XIRP2: variants seen among roughly 807,000 people sequenced by gnomAD.
XIRP2 encodes xin actin-binding repeat-containing protein 2.
A neutral mutation model predicts 277.0 loss-of-function variants in XIRP2; 236 were observed. That is an observed-to-expected ratio of 0.85 (90% CI 0.77 to 0.95). XIRP2 has a LOEUF of 0.95. Ranked by LOEUF, XIRP2 falls within the 40% of genes least tolerant of loss-of-function variation. The pLI is 0.00. For missense variants in XIRP2, 4,640 were observed against 4,157.5 expected (o/e 1.12, Z -3.19); for synonymous variants, 1,490 against 1,416.5 (o/e 1.05, Z -1.17).
In XIRP2 at chr2:167,248,040, G is replaced by A. The variant is rs1208328283; in HGVS notation, c.6648G>A (p.Glu2216=). 6.2e-7 allele frequency: 1 copy of A among 1,613,454 alleles called. No individual in the cohort carries two copies. Among genetic ancestry groups the A allele is most frequent in the African/African-American group, 1.3e-5 (1 of 74,864 alleles). ...LQPMWQLLPV[E]QDTSNVTEMK... ...CAATGTGGCAGCTTTTGCCTGTAGA[G>A]CAAGACACATCCAATGTAACAGAAA... is the stretch of plus-strand genomic sequence containing the variant. Residue 2216 remains glutamate (E), a synonymous_variant, in exon 9 of 11, where the codon GAG becomes GAA. Coordinates refer to ENST00000409195, the MANE Select transcript of XIRP2 (RefSeq NM_152381.6).
chr2:167,241,813 T>C lies in XIRP2; in HGVS notation c.1079T>C (p.Val360Ala), dbSNP rs370305284. 2.5e-6 allele frequency: 4 copies of C among 1,613,406 alleles called. No individual in the cohort carries two copies. The highest frequency in any genetic ancestry group is 1.7e-5 in the Admixed American group (1 of 59,932). Residue 360 changes from valine to alanine, a missense_variant, in exon 8 of 11, where the codon GTT becomes GCT. Physicochemically the swap from Val to Ala is moderately conservative, Grantham distance 64. Coordinates refer to ENST00000409195, the MANE Select transcript of XIRP2 (RefSeq NM_152381.6). ...CCTGAGGATGAAGAGATTCCAAAGG[T>C]TTCGACTAAGTTGTTAAAAGAGCAG... ...DTPEDEEIPK[V>A]STKLLKEQFE...
intron 2 of XIRP2, among the ~76,000 whole-genome samples, chr2:167,011,390 A>G (rs933746919): frequency 3.3e-5 from 5 of 150,562 alleles, no homozygotes; most frequent in African/African-American, 9.8e-5. Context: ...ATTTGTGTAT[A>G]TTGAACCAGC....
rs184422569 is a variant in XIRP2 at position 167,227,097 on chromosome 2, A to G, written c.858+8797A>G. Among the ~76,000 whole-genome samples the G allele has an allele frequency of 7.2e-5, 11 of 152,258 alleles. No homozygotes were observed. The East Asian group carries it at 1.7e-3, about 24-fold the overall frequency. ...AACATAAGGCAGGATTTGCTATCCC[A>G]GGGTTGACCTCTCCCTTCTTGATTT... On this transcript the variant is annotated intron_variant, in intron 5 of 10. Coordinates refer to ENST00000409195, the MANE Select transcript of XIRP2 (RefSeq NM_152381.6).
chr2:167,186,690 T>C (rs1334905804), intron 3 of XIRP2, among the ~76,000 whole-genome samples: 1 of 152,158 alleles, frequency 6.6e-6, no homozygotes, highest in Non-Finnish European at 1.5e-5. Flanking sequence ...GTGACTCCTT[T>C]TCCCTGCTTG....
At chr2:167,083,324 C>T (rs1164999642) in intron 2 of XIRP2, among the ~76,000 whole-genome samples, 3 of 152,160 alleles carry the variant, frequency 2.0e-5, no homozygotes, top group Admixed American at 1.3e-4. Flanking sequence ...GGTACCAGTA[C>T]CATGCTGTTT....
chr2:166,923,758 A>G (rs1427954545), intron 2 of XIRP2, among the ~76,000 whole-genome samples: 1 of 152,106 alleles, frequency 6.6e-6, no homozygotes, highest in Non-Finnish European at 1.5e-5. Flanking sequence ...GCTCTCTTTC[A>G]CTGAAGGTTA....
chr2:167,100,699 G>T (rs1011599781), intron 2 of XIRP2, among the ~76,000 whole-genome samples: 1 of 152,144 alleles, frequency 6.6e-6, no homozygotes, highest in Non-Finnish European at 1.5e-5. Context: ...GTAATTGCTC[G>T]TGAAATGCTG....
At chr2:166,980,422 T>A (rs925685778) in intron 2 of XIRP2, among the ~76,000 whole-genome samples, 2 of 152,192 alleles carry the variant, frequency 1.3e-5, no homozygotes, top group Non-Finnish European at 2.9e-5. Flanking sequence ...TATAGTATTT[T>A]TTTTTGTTTT....
chr2:166,944,877 A>G (rs1434418927), intron 2 of XIRP2, among the ~76,000 whole-genome samples: 2 of 152,192 alleles, frequency 1.3e-5, no homozygotes, highest in African/African-American at 2.4e-5. Flanking sequence ...CAGATTGGCT[A>G]TAGAGATCAT....
intron 3 of XIRP2, among the ~76,000 whole-genome samples, chr2:167,147,380 A>G (rs1214031223): frequency 6.6e-6 from 1 of 152,174 alleles, no homozygotes; most frequent in Non-Finnish European, 1.5e-5. Context: ...AGGCCCGATA[A>G]GAGTCTTTGT....
In XIRP2 at chr2:166,903,782, C is replaced by T. The variant is rs1269527018; in HGVS notation, c.300C>T (p.Ser100=). ...GGCCAGAAGTGCTGAAGGAGGATTC[C>T]CTGAGCAGTCGGCGCAGGATTGAAC... ...YGRPEVLKED[S]LSSRRRIERF... is the part of the protein sequence containing the mutation. The change falls in exon 2 of 11, where the codon TCC becomes TCT. Residue 100 remains serine, a synonymous_variant. Transcript: ENST00000409195. The T allele has an allele frequency of 1.9e-6, 3 of 1,613,506 alleles. No individual in the cohort carries two copies. In the Admixed American group the frequency reaches 5.0e-5, roughly 27 times the overall value.
intron 2 of XIRP2, among the ~76,000 whole-genome samples, chr2:167,050,490 G>A (rs1045073091): frequency 6.6e-6 from 1 of 152,012 alleles, no homozygotes; most frequent in African/African-American, 2.4e-5. Context: ...AAATTGGATT[G>A]CATTCCTGGG....
rs1695513925 is a variant in XIRP2 at position 167,251,807 on chromosome 2, C to T, written c.10415C>T (p.Ser3472Leu). Residue 3472 changes from serine (S) to leucine (L), a missense_variant, in exon 9 of 11, where the codon TCA becomes TTA. Coordinates refer to ENST00000409195, the MANE Select transcript of XIRP2 (RefSeq NM_152381.6). ...IAGHILDISD[S>L]PKEVRKNFQK... is the part of the protein sequence containing the mutation. ...GGACATATTTTAGATATCTCTGATT[C>T]ACCTAAAGAAGTAAGAAAAAATTTT... 2 of 1,613,154 alleles carry T rather than the reference C, an allele frequency of 1.2e-6. No homozygotes were observed. The highest frequency in any genetic ancestry group is 3.3e-5 in the Admixed American group (2 of 59,912).
intron 2 of XIRP2, among the ~76,000 whole-genome samples, chr2:167,096,315 G>A (rs1690316607): frequency 6.6e-6 from 1 of 152,112 alleles, no homozygotes; most frequent in Non-Finnish European, 1.5e-5. Context: ...ATTTCTTCTA[G>A]ATTTTTTAGT....
At chr2:166,905,824 A>C (rs1284110899) in intron 2 of XIRP2, among the ~76,000 whole-genome samples, 1 of 151,972 alleles carries the variant, frequency 6.6e-6, no homozygotes, top group Non-Finnish European at 1.5e-5. Flanking sequence ...TCTCCAAGTG[A>C]AGTATTTTGT....
chr2:167,187,300 T>C, intron 3 of XIRP2: 1 of 985,286 alleles, frequency 1.0e-6, no homozygotes, highest in Non-Finnish European at 1.2e-6. Flanking sequence ...GCTCAGTTCC[T>C]AAAAATAGGT....
intron 5 of XIRP2, among the ~76,000 whole-genome samples, chr2:167,232,007 C>A (rs1424641646): frequency 6.6e-6 from 1 of 152,058 alleles, no homozygotes; most frequent in African/African-American, 2.4e-5. Flanking sequence ...CTGGAGATTT[C>A]TTGAGATACA....
In XIRP2 at chr2:167,251,562, T is replaced by C. The variant is rs771816227; in HGVS notation, c.10170T>C (p.Ser3390=). The C allele has an allele frequency of 3.1e-6, 5 of 1,613,566 alleles. No individual in the cohort carries two copies. In the East Asian group the frequency reaches 1.1e-4, roughly 36 times the overall value. ...GAAACACGAGTTTTACAGACTTTTCTTGCAAACATCCTAGAGAACTGCGAG... is the reference window on the plus strand; with the variant it reads ...GAAACACGAGTTTTACAGACTTTTCCTGCAAACATCCTAGAGAACTGCGAG... ...SLGNTSFTDF[S]CKHPRELREK... The change falls in exon 9 of 11, where the codon TCT becomes TCC. Residue 3390 remains serine, a synonymous_variant. Transcript: ENST00000409195.
rs533441403 is a variant in XIRP2 at position 166,975,237 on chromosome 2, A to G, written c.408+71347A>G. 1.4e-3 allele frequency among the ~76,000 whole-genome samples: 217 copies of G among 152,326 alleles called. 1 individual carries two copies. The highest frequency in any genetic ancestry group is 0.01 in the Middle Eastern group (3 of 294). On this transcript the variant is annotated intron_variant, in intron 2 of 10. Coordinates refer to ENST00000409195, the MANE Select transcript of XIRP2 (RefSeq NM_152381.6). Reference sequence around the variant, plus strand: ...GCTTTCTTTCAAAAATTGGCAGAAAAATTAGATTAAAAAATCAGTCAAGAA... The same window carrying G: ...GCTTTCTTTCAAAAATTGGCAGAAAGATTAGATTAAAAAATCAGTCAAGAA...
Sources: gnomAD v4.1 joint callset for allele counts (sites outside exome capture counted in the v4.1 genomes callset) on GRCh38, gnomAD v4.1.1 for gene constraint, MANE v1.5 for transcripts, NCBI Gene and HGNC (gene_info 2026-07-23, HGNC 2026-07-21) for gene names.